The following EPHA6 variants were observed in gnomAD, a reference collection of about 807,000 sequenced individuals.
The protein encoded by EPHA6 is EPH receptor A6.
EPHA6 carries 50 observed loss-of-function variants against 112.0 expected under a neutral mutation model. That is an observed-to-expected ratio of 0.45 (90% CI 0.36 to 0.56). The LOEUF is 0.56. Ranked by LOEUF, EPHA6 falls within the 20% of genes least tolerant of loss-of-function variation. The pLI is 0.00. For missense variants in EPHA6, 1,280 were observed against 1,417.4 expected, an observed-to-expected ratio of 0.90 and a Z score of 1.56; for synonymous variants, 529 against 490.7, an observed-to-expected ratio of 1.08 and a Z score of -1.03.
intron 13 of EPHA6, among the ~76,000 whole-genome samples, chr3:97,634,476 A>G (rs577566032): frequency 4.1e-4 from 62 of 152,060 alleles, no homozygotes; most frequent in Non-Finnish European, 6.8e-4. Flanking sequence ...AAAATAACAC[A>G]GGTGGGGTTC....
chr3:97,295,447 T>A (rs1401734914), intron 5 of EPHA6, among the ~76,000 whole-genome samples: 4 of 152,122 alleles, frequency 2.6e-5, no homozygotes, highest in African/African-American at 9.7e-5. Context: ...ATCTGTCTCT[T>A]TGGTAAATGT....
intron 10 of EPHA6, 123 bp from the exon 11 acceptor site, chr3:97,532,235 A>G: frequency 1.3e-6 from 1 of 766,480 alleles, no homozygotes; most frequent in Non-Finnish European, 2.0e-6. Context: ...AGAAATGTTT[A>G]TATGAAAATA....
intron 10 of EPHA6, among the ~76,000 whole-genome samples, chr3:97,531,221 T>C (rs1282727226): frequency 6.6e-6 from 1 of 152,032 alleles, no homozygotes; most frequent in East Asian, 1.9e-4. Context: ...ATTAATAAAT[T>C]GGGAAACAGT....
At chr3:97,313,717 T>C (rs1379489082) in intron 5 of EPHA6, among the ~76,000 whole-genome samples, 1 of 151,736 alleles carries the variant, frequency 6.6e-6, no homozygotes, top group Non-Finnish European at 1.5e-5. Flanking sequence ...TTGCTCATTT[T>C]AAAATTGTTT....
chr3:97,739,835 G>A (rs2107868805), intron 16 of EPHA6, among the ~76,000 whole-genome samples: 1 of 152,248 alleles, frequency 6.6e-6, no homozygotes, highest in African/African-American at 2.4e-5. Flanking sequence ...AATATAGGCA[G>A]TTATCCTTTC....
intron 7 of EPHA6, among the ~76,000 whole-genome samples, chr3:97,474,043 A>G (rs1254644154): frequency 6.6e-6 from 1 of 151,796 alleles, no homozygotes; most frequent in Non-Finnish European, 1.5e-5. Flanking sequence ...AAGTGCTGTG[A>G]CTGGTTTCTT....
chr3:97,410,187 G>A (rs939748430), intron 6 of EPHA6, among the ~76,000 whole-genome samples: 4 of 151,790 alleles, frequency 2.6e-5, no homozygotes, highest in Admixed American at 6.6e-5. Context: ...TTCTTCCTCC[G>A]TAATCCTGTT....
intron 3 of EPHA6, among the ~76,000 whole-genome samples, chr3:96,989,389 A>C (rs1454445846): frequency 6.6e-6 from 1 of 152,206 alleles, no homozygotes; most frequent in African/African-American, 2.4e-5. Context: ...TAATCATTAA[A>C]GTATGTTTCA....
chr3:97,592,908 T>C (rs1056650481), intron 12 of EPHA6, among the ~76,000 whole-genome samples, 171 bp downstream of exon 12: 1 of 152,218 alleles, frequency 6.6e-6, no homozygotes, highest in African/African-American at 2.4e-5. Flanking sequence ...GCTGTCAAAA[T>C]GGCACAAAGG....
chr3:97,483,507 G>A (rs1215456327), intron 9 of EPHA6, among the ~76,000 whole-genome samples: 1 of 152,202 alleles, frequency 6.6e-6, no homozygotes, highest in East Asian at 1.9e-4. Flanking sequence ...TAGGGCATGA[G>A]TTCATGAAAC....
intron 5 of EPHA6, among the ~76,000 whole-genome samples, chr3:97,303,976 T>A (rs1046101404): frequency 6.6e-6 from 1 of 152,066 alleles, no homozygotes; most frequent in African/African-American, 2.4e-5. Flanking sequence ...TTAGCTGTAT[T>A]CCTAGGTATT....
intron 2 of EPHA6, among the ~76,000 whole-genome samples, chr3:96,932,242 T>G (rs1200751391): frequency 3.9e-5 from 6 of 152,192 alleles, no homozygotes; most frequent in African/African-American, 1.4e-4. Flanking sequence ...CTATATTCAT[T>G]CACCCCTTTC....
At chr3:97,548,655 T>G (rs1467985223) in intron 11 of EPHA6, among the ~76,000 whole-genome samples, 1 of 152,248 alleles carries the variant, frequency 6.6e-6, no homozygotes, top group Non-Finnish European at 1.5e-5. Context: ...TGGATTTGGC[T>G]TCATTCTCTT....
intron 6 of EPHA6, among the ~76,000 whole-genome samples, chr3:97,419,852 C>T (rs1214093091): frequency 6.6e-6 from 1 of 152,030 alleles, no homozygotes; most frequent in African/African-American, 2.4e-5. Context: ...AAAGAAGACA[C>T]TTAGATGACT....
chr3:97,641,590 A>G (rs1456732330), intron 14 of EPHA6, among the ~76,000 whole-genome samples: 4 of 152,240 alleles, frequency 2.6e-5, no homozygotes, highest in African/African-American at 9.6e-5. Flanking sequence ...GCAGCGCACC[A>G]TGCGCGAGCC....
At chr3:96,879,751 G>A (rs1218126289) in intron 2 of EPHA6, among the ~76,000 whole-genome samples, 1 of 151,942 alleles carries the variant, frequency 6.6e-6, no homozygotes, top group Non-Finnish European at 1.5e-5. Context: ...TAGGAATTTT[G>A]TTTCATTGTT....
At chr3:97,160,121 G>T (rs1217517391) in intron 3 of EPHA6, among the ~76,000 whole-genome samples, 8 of 152,074 alleles carry the variant, frequency 5.3e-5, no homozygotes, top group Non-Finnish European at 1.0e-4. Flanking sequence ...TGCCATCGTG[G>T]TCGCTTTGTT....
intron 5 of EPHA6, among the ~76,000 whole-genome samples, chr3:97,277,665 A>G (rs1201815448): frequency 6.6e-6 from 1 of 152,190 alleles, no homozygotes; most frequent in Non-Finnish European, 1.5e-5. Context: ...AATGGTAAAT[A>G]CTTATATATC....
chr3:97,490,640 A>ACT (rs2091815887), intron 10 of EPHA6, among the ~76,000 whole-genome samples: 1 of 152,212 alleles, frequency 6.6e-6, no homozygotes, highest in Non-Finnish European at 1.5e-5. Context: ...CTTATGGCTA[A>ACT]GAAACAATAG....
Sources: gnomAD v4.1 joint callset for allele counts (sites outside exome capture counted in the v4.1 genomes callset) on GRCh38, gnomAD v4.1.1 for gene constraint, MANE v1.5 for transcripts, NCBI Gene and HGNC (gene_info 2026-07-23, HGNC 2026-07-21) for gene names.